The following CLVS1 variants were observed in gnomAD, a reference collection of about 807,000 sequenced individuals.
CLVS1 encodes the protein clavesin 1.
A neutral mutation model predicts 33.1 loss-of-function variants in CLVS1; 10 were observed. The ratio of observed to expected loss-of-function variants is 0.30; its 90% CI spans 0.19 to 0.51. The LOEUF (loss-of-function observed/expected upper bound fraction) is 0.51, where lower values mean the gene tolerates loss of function less well. Among genes scored for constraint, CLVS1 ranks in the 20% least tolerant of loss-of-function variants. CLVS1 has a pLI of 0.97. For missense variants in CLVS1, 343 were observed against 433.4 expected, an observed-to-expected ratio of 0.79 and a Z score of 1.85; for synonymous variants, 163 against 166.1, an observed-to-expected ratio of 0.98 and a Z score of 0.14.
chr8:61,059,500 A>ATATATATATATATATATATG (rs1804544872), intron 1 of CLVS1, among the ~76,000 whole-genome samples: 1 of 81,982 alleles, frequency 1.2e-5, no homozygotes, highest in Non-Finnish European at 2.5e-5. Flanking sequence ...ATATATATAT[A>ATATATATATATATATATATG]CACATATCTT....
chr8:61,449,198 C>T (rs908012535), intron 3 of CLVS1, among the ~76,000 whole-genome samples: 10 of 152,170 alleles, frequency 6.6e-5, no homozygotes, highest in African/African-American at 2.2e-4. Flanking sequence ...TTCTGGCTCC[C>T]CACATGGTCT....
At chr8:61,327,084 G>A (rs1422254510) in intron 2 of CLVS1, among the ~76,000 whole-genome samples, 1 of 152,054 alleles carries the variant, frequency 6.6e-6, no homozygotes, top group South Asian at 2.1e-4. Flanking sequence ...AATATATCTG[G>A]CCATATATGT....
intron 5 of CLVS1, among the ~76,000 whole-genome samples, chr8:61,495,625 C>A (rs1007049251): frequency 6.6e-6 from 1 of 152,156 alleles, no homozygotes; most frequent in Non-Finnish European, 1.5e-5. Flanking sequence ...TAATACCCAA[C>A]CATGTACCTT....
At chr8:61,253,079 T>C (rs1306939672) in intron 2 of CLVS1, among the ~76,000 whole-genome samples, 2 of 152,234 alleles carry the variant, frequency 1.3e-5, no homozygotes, top group African/African-American at 4.8e-5. Flanking sequence ...TTTCCATGTT[T>C]AGTGCTTCCT....
intron 3 of CLVS1, among the ~76,000 whole-genome samples, chr8:61,421,283 G>A (rs545049769): frequency 6.6e-6 from 1 of 152,288 alleles, no homozygotes; most frequent in South Asian, 2.1e-4. Flanking sequence ...CTCAGCAAAC[G>A]ATGATTGTCA....
chr8:61,428,315 CT>C (rs879544023), intron 3 of CLVS1, among the ~76,000 whole-genome samples: 1 of 152,110 alleles, frequency 6.6e-6, no homozygotes, highest in Admixed American at 6.5e-5. Flanking sequence ...CAACTGTGTG[CT>C]GAAGTCTGTG....
At chr8:61,086,351 G>A (rs1403414931) in intron 1 of CLVS1, among the ~76,000 whole-genome samples, 2 of 152,120 alleles carry the variant, frequency 1.3e-5, no homozygotes, top group East Asian at 1.9e-4. Flanking sequence ...CTTAGACTAA[G>A]GTTGCCAGAT....
chr8:61,025,284 TG>T, the CLVS1 span, among the ~76,000 whole-genome samples: 3 of 152,352 alleles, frequency 2.0e-5, no homozygotes, highest in East Asian at 5.8e-4. Context: ...AGAAAAAAGT[TG>T]CCAGACTGGA....
At chr8:61,029,612 T>A in the CLVS1 span, among the ~76,000 whole-genome samples, 1 of 152,036 alleles carries the variant, frequency 6.6e-6, no homozygotes, top group Non-Finnish European at 1.5e-5. Context: ...ATTAATTTTT[T>A]TATTATATTT....
At chr8:61,216,131 G>A (rs1055174823) in intron 2 of CLVS1, among the ~76,000 whole-genome samples, 2 of 152,172 alleles carry the variant, frequency 1.3e-5, no homozygotes, top group Admixed American at 6.5e-5. Context: ...TGAATTTAGA[G>A]TTCTCTTAAT....
At chr8:61,357,331 T>C (rs1035532325) in intron 2 of CLVS1, among the ~76,000 whole-genome samples, 1 of 152,050 alleles carries the variant, frequency 6.6e-6, no homozygotes, top group East Asian at 1.9e-4. Flanking sequence ...CTATTAACTG[T>C]ACCTATATTG....
chr8:61,443,256 T>C (rs1816634783), intron 3 of CLVS1, among the ~76,000 whole-genome samples: 2 of 152,200 alleles, frequency 1.3e-5, no homozygotes, highest in Non-Finnish European at 2.9e-5. Context: ...CTTATTGTCT[T>C]TTTACTTGTT....
At chr8:61,202,047 G>A (rs1807744408) in intron 2 of CLVS1, among the ~76,000 whole-genome samples, 1 of 152,150 alleles carries the variant, frequency 6.6e-6, no homozygotes, top group Admixed American at 6.5e-5. Flanking sequence ...GGCAAAGGTA[G>A]AGGAAAACAA....
intron 3 of CLVS1, among the ~76,000 whole-genome samples, chr8:61,407,203 T>C (rs1376066902): frequency 3.9e-5 from 6 of 152,208 alleles, no homozygotes; most frequent in Admixed American, 2.6e-4. Context: ...TGAAGAATAC[T>C]CAGCACCATG....
chr8:61,228,745 T>G (rs1217794485), intron 2 of CLVS1, among the ~76,000 whole-genome samples: 2 of 152,226 alleles, frequency 1.3e-5, no homozygotes, highest in Non-Finnish European at 2.9e-5. Context: ...TAAGGCTGAA[T>G]AGTATTCCAC....
At chr8:61,397,846 A>G (rs1814591063) in intron 3 of CLVS1, among the ~76,000 whole-genome samples, 1 of 152,178 alleles carries the variant, frequency 6.6e-6, no homozygotes, top group African/African-American at 2.4e-5. Flanking sequence ...CCTCAATTTT[A>G]TCCCATCAGT....
chr8:61,313,943 G>A (rs1368896626), intron 2 of CLVS1, among the ~76,000 whole-genome samples: 7 of 152,130 alleles, frequency 4.6e-5, no homozygotes, highest in African/African-American at 1.7e-4. Context: ...GCTCGGCAGG[G>A]GCTGTGTCCG....
At chr8:61,451,388 C>G (rs1379171314) in intron 3 of CLVS1, among the ~76,000 whole-genome samples, 1 of 151,916 alleles carries the variant, frequency 6.6e-6, no homozygotes, top group African/African-American at 2.4e-5. Context: ...TTAACTTAAA[C>G]TGGGGGGCAG....
At chr8:60,986,816 T>G in the CLVS1 span, among the ~76,000 whole-genome samples, 2 of 152,216 alleles carry the variant, frequency 1.3e-5, no homozygotes, top group East Asian at 3.8e-4. Context: ...TACTGGGCAT[T>G]AGAATGAGAA....
Sources: allele counts gnomAD v4.1 joint callset (sites outside exome capture counted in the v4.1 genomes callset), GRCh38; gene constraint gnomAD v4.1.1; transcripts MANE v1.5; gene names NCBI Gene and HGNC (gene_info 2026-07-23, HGNC 2026-07-21).